The following TBC1D22A variants were observed in gnomAD, a reference collection of about 807,000 sequenced individuals.
TBC1D22A encodes the protein TBC1 domain family member 22A.
In TBC1D22A, 38 loss-of-function variants were observed where a neutral mutation model predicts 60.2. That is an observed-to-expected ratio of 0.63 (90% CI 0.49 to 0.83). The LOEUF (loss-of-function observed/expected upper bound fraction) is 0.83. Ranked by LOEUF, TBC1D22A falls within the 40% of genes least tolerant of loss-of-function variation. The probability of loss-of-function intolerance (pLI) is 0.00; values close to 1 mark genes in which losing one functional copy is unlikely to be tolerated. For missense variants in TBC1D22A, 628 were observed against 701.0 expected (o/e 0.90, Z 1.18); for synonymous variants, 302 against 281.7 (o/e 1.07, Z -0.72).
chr22:46,781,358 T>C (rs1167807250), intron 1 of TBC1D22A, among the ~76,000 whole-genome samples: 1 of 152,142 alleles, frequency 6.6e-6, no homozygotes, highest in Admixed American at 6.6e-5. Context: ...ATATTTTTTA[T>C]AGAGACGGGG....
intron 4 of TBC1D22A, among the ~76,000 whole-genome samples, chr22:46,843,146 A>G (rs1285008482): frequency 1.3e-5 from 2 of 152,192 alleles, no homozygotes; most frequent in African/African-American, 2.4e-5. Context: ...TGGTGGTTCA[A>G]GGGGAGGCAC....
intron 10 of TBC1D22A, among the ~76,000 whole-genome samples, chr22:47,012,839 C>T (rs191553784): frequency 1.4e-4 from 21 of 152,294 alleles, no homozygotes; most frequent in South Asian, 4.1e-4. Flanking sequence ...CGTTAGAAGA[C>T]GGGACATTAA....
intron 11 of TBC1D22A, among the ~76,000 whole-genome samples, chr22:47,104,589 A>ATTTG (rs1274686170): frequency 2.6e-5 from 4 of 151,036 alleles, no homozygotes; most frequent in Non-Finnish European, 4.4e-5. Flanking sequence ...CAGCTACCCC[A>ATTTG]GAGGCTGAGG....
intron 12 of TBC1D22A, among the ~76,000 whole-genome samples, chr22:47,166,338 C>A (rs6007618): frequency 6.6e-6 from 1 of 151,922 alleles, no homozygotes; most frequent in Admixed American, 6.6e-5. Context: ...CACATAGGAA[C>A]GTGAAAACAA....
chr22:47,131,785 G>T (rs912830913), intron 12 of TBC1D22A, among the ~76,000 whole-genome samples: 7 of 152,222 alleles, frequency 4.6e-5, no homozygotes, highest in African/African-American at 1.7e-4. Flanking sequence ...TCTCGCAGAG[G>T]CCCCTGGGGT....
chr22:46,837,802 G>A (rs2086585636), intron 4 of TBC1D22A, among the ~76,000 whole-genome samples: 1 of 152,204 alleles, frequency 6.6e-6, no homozygotes, highest in Admixed American at 6.5e-5. Context: ...AGTGGCTCAC[G>A]CCTGTAATCC....
intron 12 of TBC1D22A, among the ~76,000 whole-genome samples, chr22:47,170,457 A>G (rs567552909): frequency 6.6e-6 from 1 of 152,316 alleles, no homozygotes; most frequent in East Asian, 1.9e-4. Context: ...ATTGATGTTG[A>G]TATGTCCCCA....
At chr22:46,960,866 GA>G (rs1602677109) in intron 8 of TBC1D22A, among the ~76,000 whole-genome samples, 2 of 147,618 alleles carry the variant, frequency 1.4e-5, no homozygotes, top group Non-Finnish European at 3.0e-5. Flanking sequence ...AGAATGGCGT[GA>G]ACCCAGGAGG....
chr22:47,027,583 A>C (rs185358705), intron 10 of TBC1D22A, among the ~76,000 whole-genome samples: 5 of 152,278 alleles, frequency 3.3e-5, no homozygotes, highest in African/African-American at 1.2e-4. Flanking sequence ...CTAGTCTTCT[A>C]AGTGAAGTTA....
intron 11 of TBC1D22A, among the ~76,000 whole-genome samples, chr22:47,102,982 T>G (rs78708204): frequency 0.025 from 3,863 of 152,190 alleles, 134 homozygotes; most frequent in African/African-American, 0.086. Flanking sequence ...CCTGAAGGTT[T>G]TTGTTTGTTC....
intron 10 of TBC1D22A, among the ~76,000 whole-genome samples, chr22:47,035,465 G>T (rs2062624373): frequency 6.6e-6 from 1 of 152,194 alleles, no homozygotes; most frequent in Non-Finnish European, 1.5e-5. Flanking sequence ...ACCCAGTTCT[G>T]CAGTTTCCAC....
At chr22:46,847,918 GGTGTGTGTGT>G (rs58012028) in intron 4 of TBC1D22A, among the ~76,000 whole-genome samples, 31 of 134,206 alleles carry the variant, frequency 2.3e-4, no homozygotes, top group African/African-American at 6.1e-4. Flanking sequence ...TACCCTAGTG[GGTGTGTGTGT>G]GTGTGTGTGT....
intron 1 of TBC1D22A, chr22:46,774,082 C>T: frequency 1.1e-5 from 11 of 985,656 alleles, no homozygotes; most frequent in Non-Finnish European, 1.3e-5. Context: ...TTCCTCCCGC[C>T]CCCGCACCCA....
intron 1 of TBC1D22A, among the ~76,000 whole-genome samples, chr22:46,778,934 C>G (rs186680801): frequency 6.6e-6 from 1 of 152,168 alleles, no homozygotes; most frequent in African/African-American, 2.4e-5. Context: ...ATCCCAGATA[C>G]CCAGGAGTCT....
rs913686141 is a variant in TBC1D22A, at chr22:47,028,952, T to G, written c.1202-8119T>G. Among the ~76,000 whole-genome samples the G allele has an allele frequency of 6.6e-5, 10 of 152,190 alleles. No individual in the cohort carries two copies. The highest frequency in any genetic ancestry group is 2.4e-4 in the African/African-American group (10 of 41,442). On this transcript the variant is annotated intron_variant, in intron 10 of 12. Coordinates refer to ENST00000337137, the MANE Select transcript of TBC1D22A (RefSeq NM_014346.5). This position sits in a 1 kb window ranked among gnomAD's most constrained non-coding sequence, Gnocchi z 4.4. ...TAACAAGAGCACCCTCACTTCAGAC[T>G]CCAGCTGCACCTCAGTGGTCCCCAG...
At chr22:46,773,774 C>G (rs1275420188) in intron 1 of TBC1D22A, among the ~76,000 whole-genome samples, 1 of 152,162 alleles carries the variant, frequency 6.6e-6, no homozygotes, top group Non-Finnish European at 1.5e-5. Context: ...ACCCGGCGGG[C>G]TAGACACTGT....
rs1028165478 is a variant in TBC1D22A at position 46,833,430 on chromosome 22, C to T, written c.637+35810C>T. 5.3e-5 allele frequency among the ~76,000 whole-genome samples: 8 copies of T among 152,310 alleles called. No homozygotes were observed. In the South Asian group the frequency reaches 8.3e-4, roughly 16 times the overall value. On this transcript the variant is annotated intron_variant, in intron 4 of 12. Transcript: ENST00000337137. ...ATCGGCAGTTAGAAACCAGCATGGC[C>T]GGCCGGCTCCTTGCATTGCAGGCAC...
chr22:46,953,408 A>G (rs2073022525), intron 8 of TBC1D22A, among the ~76,000 whole-genome samples: 1 of 151,950 alleles, frequency 6.6e-6, no homozygotes, highest in Admixed American at 6.6e-5. Flanking sequence ...TATGCCTGGT[A>G]TGTTCCTTGT....
rs186748842 is a variant in TBC1D22A at position 47,143,671 on chromosome 22, G to A, written c.1426-29827G>A. Among the ~76,000 whole-genome samples the A allele has an allele frequency of 3.9e-5, 6 of 152,332 alleles. No homozygotes were observed. In the East Asian group the frequency reaches 1.2e-3, roughly 29 times the overall value. On this transcript the variant is annotated intron_variant, in intron 12 of 12. Coordinates refer to ENST00000337137, the MANE Select transcript of TBC1D22A (RefSeq NM_014346.5). ...TGCAGGGTCCCCTGAGCTCTCTGAT[G>A]GACACCCAGCTGACCCTAAGCTCTC... is the stretch of plus-strand genomic sequence containing the variant.
Sources: gnomAD v4.1 joint callset for allele counts (sites outside exome capture counted in the v4.1 genomes callset) on GRCh38, gnomAD v4.1.1 for gene constraint, Gnocchi (gnomAD v3.1) non-coding constraint, MANE v1.5 for transcripts, NCBI Gene and HGNC (gene_info 2026-07-23, HGNC 2026-07-21) for gene names.